CLMP: variants seen among roughly 807,000 people sequenced by gnomAD.
CLMP encodes CXADR like cell adhesion molecule.
Under a neutral mutation model 45.2 loss-of-function variants are expected in CLMP, and 27 were observed. The ratio of observed to expected loss-of-function variants is 0.60; its 90% CI spans 0.44 to 0.82. CLMP has a LOEUF of 0.82. Ranked by LOEUF, CLMP falls within the 40% of genes least tolerant of loss-of-function variation. CLMP has a pLI of 0.00. For synonymous variants in CLMP, 167 were observed against 171.4 expected, an observed-to-expected ratio of 0.97 and a Z score of 0.20; for missense variants, 403 against 448.4, an observed-to-expected ratio of 0.90 and a Z score of 0.91.
chr11:123,104,114 G>A (rs1282464634), intron 1 of CLMP, among the ~76,000 whole-genome samples: 10 of 134,636 alleles, frequency 7.4e-5, no homozygotes, highest in Non-Finnish European at 1.4e-4. Context: ...ACAGGCCTGA[G>A]CCACCATGCC....
At chr11:123,138,111 A>C (rs190451307) in intron 1 of CLMP, among the ~76,000 whole-genome samples, 175 of 152,154 alleles carry the variant, frequency 1.2e-3, no homozygotes, top group African/African-American at 4.1e-3. Flanking sequence ...TCTGTCCCTA[A>C]TTCCCTCGGA....
rs567156650 is a variant in CLMP at position 123,124,604 on chromosome 11, G to GTCATTTAATGTCGTTCAT, written c.29-26670_29-26653dup. Among the ~76,000 whole-genome samples, 152 of 152,310 alleles carry GTCATTTAATGTCGTTCAT rather than the reference G, an allele frequency of 1.0e-3. 1 individual carries two copies. The highest frequency in any genetic ancestry group is 3.5e-3 in the African/African-American group (147 of 41,580). On this transcript the variant is annotated intron_variant, in intron 1 of 6. Transcript: ENST00000448775. ...CTTACATCACTTTTTAGAATAACCA[G>GTCATTTAATGTCGTTCAT]TCATTTAATGTCGTTCATTCATTTA...
At chr11:123,163,178 G>C (rs1206724791) in intron 1 of CLMP, among the ~76,000 whole-genome samples, 1 of 152,050 alleles carries the variant, frequency 6.6e-6, no homozygotes, top group Non-Finnish European at 1.5e-5. Context: ...TAAATCAATG[G>C]GAATCCTGAG....
At chr11:123,171,548 A>G (rs1861634054) in intron 1 of CLMP, among the ~76,000 whole-genome samples, 2 of 151,352 alleles carry the variant, frequency 1.3e-5, no homozygotes, top group East Asian at 3.9e-4. Flanking sequence ...GGTTCAAGCA[A>G]TTCCCTTGCC....
chr11:123,115,541 CATTCTATAGG>C (rs1565386675), intron 1 of CLMP, among the ~76,000 whole-genome samples: 1 of 151,838 alleles, frequency 6.6e-6, no homozygotes, highest in Non-Finnish European at 1.5e-5. Context: ...CAAAAGAGTA[CATTCTATAGG>C]ATTCCATTCT....
At chr11:123,116,607 T>C (rs966677830) in intron 1 of CLMP, among the ~76,000 whole-genome samples, 1 of 152,102 alleles carries the variant, frequency 6.6e-6, no homozygotes, top group African/African-American at 2.4e-5. Flanking sequence ...AAATTATCCA[T>C]ATGTGTCCTC....
intron 1 of CLMP, among the ~76,000 whole-genome samples, chr11:123,105,686 T>C (rs961090786): frequency 2.0e-5 from 3 of 151,966 alleles, no homozygotes; most frequent in Non-Finnish European, 4.4e-5. Context: ...TATCTTGGAC[T>C]CCCAAAGTGC....
At chr11:123,075,531 C>T (rs1160859113) in intron 5 of CLMP, among the ~76,000 whole-genome samples, 7 of 151,904 alleles carry the variant, frequency 4.6e-5, no homozygotes, top group Non-Finnish European at 1.0e-4. Context: ...GGACTACAGA[C>T]GCCCGCCACC....
intron 1 of CLMP, among the ~76,000 whole-genome samples, chr11:123,160,648 C>T (rs1861473996): frequency 1.3e-5 from 2 of 152,106 alleles, no homozygotes; most frequent in African/African-American, 4.8e-5. Flanking sequence ...GAAGCCTCTT[C>T]CTCTATAAAC....
At position 123,135,800 on chromosome 11, in the gene CLMP, T is replaced by C. The variant is rs542605934; in HGVS notation, c.29-37848A>G. On this transcript the variant is annotated intron_variant, in intron 1 of 6. Transcript: ENST00000448775. ...AATGCTAAGCTGTGAATTCAGTATTTTCCAGCTAGTTGTTTCTCCTTGCCC... is the reference window on the plus strand; with the variant it reads ...AATGCTAAGCTGTGAATTCAGTATTCTCCAGCTAGTTGTTTCTCCTTGCCC... 10 of 333,110 alleles carry C rather than the reference T, an allele frequency of 3.0e-5. No homozygotes were observed. In the Admixed American group the frequency reaches 3.8e-4, roughly 13 times the overall value. 20.6% of individuals were successfully genotyped at this position (333,110 alleles called of 1,614,324 possible).
intron 6 of CLMP, among the ~76,000 whole-genome samples, chr11:123,074,120 T>G (rs1389249520): frequency 1.3e-5 from 2 of 151,908 alleles, no homozygotes; most frequent in African/African-American, 2.4e-5. Flanking sequence ...TGGGTAGAAG[T>G]GAATCAGAAG....
At position 123,146,834 on chromosome 11, in the gene CLMP, T is replaced by G. The variant is rs543771380; in HGVS notation, c.28+48079A>C. Among the ~76,000 whole-genome samples the G allele has an allele frequency of 1.4e-4, 21 of 152,292 alleles. No individual in the cohort carries two copies. The East Asian group carries it at 3.7e-3, about 27-fold the overall frequency. ...TATAACCAGACAAGGTGGCTTCCCT[T>G]GGAGGTCTCACAAGCACCTCAAATT... is the stretch of plus-strand genomic sequence containing the variant. On this transcript the variant is annotated intron_variant, in intron 1 of 6. Transcript: ENST00000448775.
chr11:123,132,757 C>T (rs1861009489), intron 1 of CLMP, among the ~76,000 whole-genome samples: 2 of 151,284 alleles, frequency 1.3e-5, no homozygotes. Context: ...CTGTGCCTGG[C>T]CCTGTTTTTT....
chr11:123,163,351 G>A (rs1861512391), intron 1 of CLMP, among the ~76,000 whole-genome samples: 1 of 152,186 alleles, frequency 6.6e-6, no homozygotes, highest in Non-Finnish European at 1.5e-5. Flanking sequence ...GCAGACACAT[G>A]TAGCATGGAG....
In CLMP at chr11:123,194,692, C is replaced by T. The variant is rs73614619; in HGVS notation, c.28+221G>A. On this transcript the variant is annotated intron_variant, in intron 1 of 6. Coordinates refer to ENST00000448775, the MANE Select transcript of CLMP (RefSeq NM_024769.5). ...AGGACCCTGCACATCAAACGGTTCCCCAAGCCTGTTCAAGGGCCCAGATGT... is the reference window on the plus strand; with the variant it reads ...AGGACCCTGCACATCAAACGGTTCCTCAAGCCTGTTCAAGGGCCCAGATGT... 3.1e-3 allele frequency among the ~76,000 whole-genome samples: 473 copies of T among 152,326 alleles called. 1 individual carries two copies. The highest frequency in any genetic ancestry group is 0.011 in the African/African-American group (452 of 41,576).
intron 1 of CLMP, among the ~76,000 whole-genome samples, chr11:123,184,826 A>G (rs1565406423): frequency 6.6e-6 from 1 of 152,216 alleles, no homozygotes; most frequent in Non-Finnish European, 1.5e-5. Flanking sequence ...TCCCTCATTC[A>G]TTCATTTGGC....
chr11:123,188,395 A>G (rs1328593904), intron 1 of CLMP, among the ~76,000 whole-genome samples: 1 of 151,742 alleles, frequency 6.6e-6, no homozygotes, highest in Non-Finnish European at 1.5e-5. Flanking sequence ...CATCCCCTAC[A>G]GTCTCTGTGC....
At chr11:123,175,234 G>A (rs190333972) in intron 1 of CLMP, among the ~76,000 whole-genome samples, 20 of 150,874 alleles carry the variant, frequency 1.3e-4, no homozygotes, top group East Asian at 1.2e-3. Context: ...ACAGTTCTGC[G>A]TAGCTGGGGA....
At chr11:123,093,661 G>A (rs369823042) in intron 2 of CLMP, among the ~76,000 whole-genome samples, 37 of 96,542 alleles carry the variant, frequency 3.8e-4, no homozygotes, top group African/African-American at 1.9e-3. Flanking sequence ...GAGCCACTGT[G>A]CCCAGCCTAT....
Sources: allele counts gnomAD v4.1 joint callset (sites outside exome capture counted in the v4.1 genomes callset), GRCh38; gene constraint gnomAD v4.1.1; transcripts MANE v1.5; gene names NCBI Gene and HGNC (gene_info 2026-07-23, HGNC 2026-07-21).